The following MARK4 variants were observed in gnomAD, a reference collection of about 807,000 sequenced individuals.
MARK4 encodes microtubule affinity regulating kinase 4.
MARK4 carries 19 observed loss-of-function variants against 81.5 expected under a neutral mutation model. That is an observed-to-expected ratio of 0.23 (90% CI 0.16 to 0.34). MARK4 has a LOEUF of 0.34. Among genes scored for constraint, MARK4 ranks in the 10% least tolerant of loss-of-function variants. MARK4 has a pLI of 1.00. For synonymous variants in MARK4, 436 were observed against 439.0 expected (o/e 0.99, Z 0.08); for missense variants, 772 against 1,058.8 (o/e 0.73, Z 3.76).
intron 15 of MARK4, 138 bp downstream of exon 15, chr19:45,298,092 T>TCCC (rs929558234): frequency 6.3e-7 from 1 of 1,585,988 alleles, no homozygotes; most frequent in Non-Finnish European, 8.6e-7. Context: ...CTCCTCCTCC[T>TCCC]CCTCCTTTCC....
chr19:45,298,328 TGCGTGGGG>T, intron 15 of MARK4: 1 of 450,324 alleles, frequency 2.2e-6, no homozygotes, highest in Non-Finnish European at 3.3e-6. Flanking sequence ...TGAGGGTCTG[TGCGTGGGG>T]TCTGGTTGTT....
At position 45,302,879 on chromosome 19, in the gene MARK4, A is replaced by G. The variant is rs1335134599; in HGVS notation, c.*169A>G. 6 of 1,126,118 alleles carry G rather than the reference A, an allele frequency of 5.3e-6. No homozygotes were observed. The highest frequency in any genetic ancestry group is 1.2e-6 in the Non-Finnish European group (1 of 817,898). The allele number at this position is 1,126,118 out of a possible 1,614,324, so 69.8% of individuals were successfully genotyped here. ...CTGCTGTTCTCTGGGGCCGCTCAGC[A>G]CAGAAGAAGGATGAGGGGGCTCAGC... On this transcript the variant is annotated 3_prime_UTR_variant, in exon 17 of 17. Coordinates refer to ENST00000262891, the MANE Select transcript of MARK4 (RefSeq NM_001199867.2). This position sits in a 1 kb window ranked among gnomAD's most constrained non-coding sequence, Gnocchi z 4.9.
chr19:45,301,987 G>C (rs778890927), intron 16 of MARK4, among the ~76,000 whole-genome samples: 1 of 152,208 alleles, frequency 6.6e-6, no homozygotes, highest in East Asian at 1.9e-4. Flanking sequence ...CCAGGTTATT[G>C]CATCCCGATT....
intron 6 of MARK4, 120 bp downstream of exon 6, chr19:45,265,030 G>T: frequency 2.1e-6 from 2 of 956,496 alleles, no homozygotes; most frequent in Non-Finnish European, 3.2e-6. Flanking sequence ...TCTGGGCAGG[G>T]GTGAAGGTGC....
intron 16 of MARK4, 133 bp downstream of exon 16, chr19:45,299,988 C>T (rs376434678): frequency 5.6e-6 from 4 of 719,538 alleles, no homozygotes; most frequent in East Asian, 6.5e-5. Context: ...GCCCTGTGGC[C>T]CCAGCCTTCT....
In MARK4 at chr19:45,278,039, C is replaced by T. The variant is rs759050626; in HGVS notation, c.903C>T (p.Leu301=). 6.8e-6 allele frequency: 11 copies of T among 1,613,508 alleles called. No individual in the cohort carries two copies. The highest frequency in any genetic ancestry group is 6.7e-5 in the East Asian group (3 of 44,848). ...TGAACCCAGCTAAACGCTGTACTCT[C>T]GAGGTGAGCCCAGCCTCACAGCCAG... The part of the protein sequence containing the change: ...LVLNPAKRCT[L]EQIMKDKWIN... Residue 301 remains leucine, a synonymous_variant, in exon 9 of 17, where the codon CTC becomes CTT. Transcript: ENST00000262891.
At chr19:45,280,277 G>C in intron 10 of MARK4, 97 bp from the exon 11 acceptor site, 1 of 1,088,696 alleles carries the variant, frequency 9.2e-7, no homozygotes, top group South Asian at 1.3e-5. Context: ...ACTCCAGCCT[G>C]GGTGACAGAG....
chr19:45,251,400 A>C lies in MARK4; in HGVS notation c.-189A>C. ...CCCGGGGTCCCCGCTGCACGGGGCC[A>C]CTAGGACCCTCGGCGTCCCTTCCCC... is the stretch of plus-strand genomic sequence containing the variant. On this transcript the variant is annotated 5_prime_UTR_variant, in exon 1 of 17. Coordinates refer to ENST00000262891, the MANE Select transcript of MARK4 (RefSeq NM_001199867.2). 1 of 186,192 alleles carries C rather than the reference A, an allele frequency of 5.4e-6. No individual in the cohort carries two copies. The highest frequency in any genetic ancestry group is 2.0e-4 in the East Asian group (1 of 5,004). 11.5% of individuals were successfully genotyped at this position (186,192 alleles called of 1,614,324 possible).
intron 16 of MARK4, among the ~76,000 whole-genome samples, chr19:45,300,939 C>A (rs1970962394): frequency 6.6e-6 from 1 of 152,106 alleles, no homozygotes; most frequent in Non-Finnish European, 1.5e-5. Context: ...GGCGGCCCCA[C>A]CGGAACAAGG....
intron 1 of MARK4, among the ~76,000 whole-genome samples, chr19:45,253,625 T>C (rs1599774728): frequency 6.6e-6 from 1 of 152,168 alleles, no homozygotes; most frequent in Admixed American, 6.5e-5. Context: ...GGTTGTTGAG[T>C]GAGCCTGCAG....
chr19:45,272,070 G>T (rs1185721330), intron 8 of MARK4, among the ~76,000 whole-genome samples: 1 of 152,198 alleles, frequency 6.6e-6, no homozygotes, highest in Non-Finnish European at 1.5e-5. Flanking sequence ...GGTGGCTCAT[G>T]CCTATAATCC....
Position 45,302,081 on chromosome 19 carries a change from G to C in MARK4, c.1923-293G>C, listed in dbSNP as rs1970982856. ...CTCCTGGGAGATGTGGGACAGGAGA[G>C]CCTGGCACATGCAGGTTCTTTGAAG... is the stretch of plus-strand genomic sequence containing the variant. On this transcript the variant is annotated intron_variant, in intron 16 of 16. Transcript: ENST00000262891. This position sits in a 1 kb window ranked among gnomAD's most constrained non-coding sequence, Gnocchi z 4.9. 6.6e-6 allele frequency among the ~76,000 whole-genome samples: 1 copy of C among 152,154 alleles called. No individual in the cohort carries two copies. Among genetic ancestry groups the C allele is most frequent in the Non-Finnish European group, 1.5e-5 (1 of 68,016 alleles).
At chr19:45,270,103 C>T (rs1237741158) in intron 7 of MARK4, among the ~76,000 whole-genome samples, 5 of 152,150 alleles carry the variant, frequency 3.3e-5, no homozygotes, top group East Asian at 1.9e-4. Flanking sequence ...GCTGAGATTA[C>T]AGGCGTGAGC....
At chr19:45,296,847 T>C (rs1970893870) in intron 14 of MARK4, among the ~76,000 whole-genome samples, 1 of 152,026 alleles carries the variant, frequency 6.6e-6, no homozygotes, top group African/African-American at 2.4e-5. Context: ...GTGAGGAGTT[T>C]GAGACCAGCC....
chr19:45,298,249 G>C, intron 15 of MARK4: 1 of 1,610,160 alleles, frequency 6.2e-7, no homozygotes, highest in South Asian at 1.1e-5. Context: ...CCCTGTTCTC[G>C]CTGGCTCTGC....
At chr19:45,279,384 G>A (rs1435418442) in intron 10 of MARK4, among the ~76,000 whole-genome samples, 1 of 152,160 alleles carries the variant, frequency 6.6e-6, no homozygotes, top group African/African-American at 2.4e-5. Flanking sequence ...GAGTGTGGTG[G>A]CAGGCACCCG....
intron 12 of MARK4, among the ~76,000 whole-genome samples, chr19:45,286,727 A>G (rs1970747380): frequency 6.6e-6 from 1 of 152,092 alleles, no homozygotes; most frequent in African/African-American, 2.4e-5. Context: ...AAAAAATTAA[A>G]AAAAAGAAGG....
rs78112110 is a variant in MARK4 at position 45,295,209 on chromosome 19, A to G, written c.1598+757A>G. 5.9e-5 allele frequency among the ~76,000 whole-genome samples: 9 copies of G among 151,508 alleles called. No homozygotes were observed. In the East Asian group the frequency reaches 1.4e-3, roughly 23 times the overall value. ...CTAAAAATACCAAAAAAAAAAAAAA[A>G]TTAGCTGGGTGCAGTGGTGGGCACC... On this transcript the variant is annotated intron_variant, in intron 14 of 16. Coordinates refer to ENST00000262891, the MANE Select transcript of MARK4 (RefSeq NM_001199867.2).
intron 13 of MARK4, among the ~76,000 whole-genome samples, chr19:45,291,162 G>T (rs983892154): frequency 6.6e-6 from 1 of 152,174 alleles, no homozygotes; most frequent in African/African-American, 2.4e-5. Context: ...CCAGAGAATG[G>T]ATGGGAGCGG....
Sources: allele counts gnomAD v4.1 joint callset (sites outside exome capture counted in the v4.1 genomes callset), GRCh38; gene constraint gnomAD v4.1.1; non-coding constraint Gnocchi (gnomAD v3.1); transcripts MANE v1.5; gene names NCBI Gene and HGNC (gene_info 2026-07-23, HGNC 2026-07-21).